The following TEK variants were observed in gnomAD, a reference collection of about 807,000 sequenced individuals.
The protein encoded by TEK is TEK receptor tyrosine kinase, also known as angiopoietin-1 receptor.
Under a neutral mutation model 131.8 loss-of-function variants are expected in TEK, and 43 were observed. The ratio of observed to expected loss-of-function variants is 0.33; its 90% CI spans 0.26 to 0.42. The LOEUF (loss-of-function observed/expected upper bound fraction) is 0.42. TEK is among the 10% of genes least tolerant of loss of function. The probability of loss-of-function intolerance (pLI) is 1.00; values close to 1 mark genes in which losing one functional copy is unlikely to be tolerated. For missense variants in TEK, 1,162 were observed against 1,384.4 expected, an observed-to-expected ratio of 0.84 and a Z score of 2.55; for synonymous variants, 580 against 491.6, an observed-to-expected ratio of 1.18 and a Z score of -2.38.
chr9:27,181,943 A>G (rs1448339684), intron 7 of TEK, among the ~76,000 whole-genome samples: 2 of 151,940 alleles, frequency 1.3e-5, no homozygotes, highest in African/African-American at 4.8e-5. Context: ...CAGAACAAAT[A>G]TTGGGAGTGG....
intron 21 of TEK, among the ~76,000 whole-genome samples, chr9:27,225,460 G>C (rs966126370): frequency 1.3e-5 from 2 of 152,114 alleles, no homozygotes; most frequent in Non-Finnish European, 2.9e-5. Flanking sequence ...TCTCATCTTT[G>C]ACAAACCTGA....
At chr9:27,224,576 T>C (rs1341050987) in intron 21 of TEK, among the ~76,000 whole-genome samples, 1 of 152,090 alleles carries the variant, frequency 6.6e-6, no homozygotes. Context: ...CTAAACACGC[T>C]CAGTAAACTA....
At chr9:27,111,698 G>A (rs577161576) in intron 1 of TEK, among the ~76,000 whole-genome samples, 2 of 150,400 alleles carry the variant, frequency 1.3e-5, no homozygotes, top group Non-Finnish European at 3.0e-5. Flanking sequence ...GCTAACTTCA[G>A]CTTTCAAACA....
At chr9:27,227,270 CAG>C (rs1826375743) in intron 21 of TEK, among the ~76,000 whole-genome samples, 1 of 152,238 alleles carries the variant, frequency 6.6e-6, no homozygotes, top group East Asian at 1.9e-4. Context: ...ATTTTAATAA[CAG>C]AGTAGTTCTG....
At chr9:27,137,514 C>G (rs1021194017) in intron 1 of TEK, among the ~76,000 whole-genome samples, 24 of 152,076 alleles carry the variant, frequency 1.6e-4, no homozygotes, top group African/African-American at 5.3e-4. Flanking sequence ...AACTCATTAG[C>G]AAAACCAGCT....
intron 18 of TEK, among the ~76,000 whole-genome samples, chr9:27,214,214 C>T (rs1020544564): frequency 2.0e-5 from 3 of 152,242 alleles, no homozygotes; most frequent in Non-Finnish European, 4.4e-5. Flanking sequence ...TTTTGGTGCC[C>T]AGTCTAGAAT....
chr9:27,208,446 T>C (rs1465437723), intron 15 of TEK, among the ~76,000 whole-genome samples: 1 of 152,158 alleles, frequency 6.6e-6, no homozygotes, highest in African/African-American at 2.4e-5. Context: ...GTGCCTGCTG[T>C]GTTCTCCCTC....
chr9:27,129,171 A>C (rs187016728), intron 1 of TEK, among the ~76,000 whole-genome samples: 12 of 152,240 alleles, frequency 7.9e-5, no homozygotes, highest in East Asian at 5.8e-4. Context: ...GTTTATTGAG[A>C]GTTTTTAGCA....
At chr9:27,189,825 A>G (rs552380888) in intron 9 of TEK, among the ~76,000 whole-genome samples, 1 of 151,330 alleles carries the variant, frequency 6.6e-6, no homozygotes, top group African/African-American at 2.4e-5. Flanking sequence ...TTCTAGAACT[A>G]TAATAAATTT....
intron 1 of TEK, among the ~76,000 whole-genome samples, chr9:27,145,742 G>GTC (rs1822892884): frequency 6.6e-6 from 1 of 152,196 alleles, no homozygotes; most frequent in Non-Finnish European, 1.5e-5. Context: ...TATTTAAAAT[G>GTC]AGTAGTCTGT....
rs539179039 is a variant in TEK at position 27,197,308 on chromosome 9, C to T, written c.1625-7C>T. ...ATAAAAATAATGATTTTTCTGGATTCTCCTAGGACTCCCTCCTCCAAGAGG... is the reference window on the plus strand; with the variant it reads ...ATAAAAATAATGATTTTTCTGGATTTTCCTAGGACTCCCTCCTCCAAGAGG... On this transcript the variant is annotated splice_polypyrimidine_tract_variant and splice_region_variant and intron_variant, in intron 11 of 22. Transcript: ENST00000380036. The T allele has an allele frequency of 5.3e-5, 85 of 1,613,614 alleles. No homozygotes were observed. The South Asian group carries it at 8.3e-4, about 16-fold the overall frequency.
intron 1 of TEK, among the ~76,000 whole-genome samples, chr9:27,119,559 A>T (rs1821701026): frequency 6.6e-6 from 1 of 152,114 alleles, no homozygotes; most frequent in African/African-American, 2.4e-5. Context: ...ACAAGGTGAG[A>T]GAGGCTTACA....
At chr9:27,175,666 T>TA (rs1370461211) in intron 6 of TEK, among the ~76,000 whole-genome samples, 4 of 152,098 alleles carry the variant, frequency 2.6e-5, no homozygotes, top group African/African-American at 9.7e-5. Flanking sequence ...CCTGACTTTT[T>TA]AATGATCGCC....
At chr9:27,172,130 G>A (rs1406863717) in intron 4 of TEK, among the ~76,000 whole-genome samples, 8 of 149,152 alleles carry the variant, frequency 5.4e-5, no homozygotes, top group African/African-American at 2.1e-4. Context: ...TCAGTAGGTC[G>A]TGGTTGGGTG....
At chr9:27,171,727 A>T (rs1300380503) in intron 4 of TEK, among the ~76,000 whole-genome samples, 2 of 152,226 alleles carry the variant, frequency 1.3e-5, no homozygotes, top group Non-Finnish European at 1.5e-5. Flanking sequence ...AATCTTAAAA[A>T]ATATAATTTA....
intron 1 of TEK, 103 bp downstream of exon 1, chr9:27,109,745 T>A (rs1432401205): frequency 1.7e-6 from 2 of 1,176,660 alleles, no homozygotes; most frequent in Non-Finnish European, 2.5e-6. Context: ...GAACAAGGGG[T>A]GGCTGTAGCA....
Position 27,178,623 on chromosome 9 carries a change from G to GC in TEK, c.902-1613dup, listed in dbSNP as rs549595203. On this transcript the variant is annotated intron_variant, in intron 6 of 22. Transcript: ENST00000380036. ...TACAAAATCAAAACAAATCATCATA[G>GC]CCCCAAAAGACAAGCTTTTGCATTA... Among the ~76,000 whole-genome samples the GC allele has an allele frequency of 5.9e-5, 9 of 152,128 alleles. No individual in the cohort carries two copies. The South Asian group carries it at 1.9e-3, about 32-fold the overall frequency.
At chr9:27,153,537 C>A (rs1158977603) in intron 1 of TEK, among the ~76,000 whole-genome samples, 1 of 152,218 alleles carries the variant, frequency 6.6e-6, no homozygotes, top group Non-Finnish European at 1.5e-5. Context: ...ATTAAATATG[C>A]ATCTTGTTTC....
At chr9:27,146,933 G>C (rs1435781748) in intron 1 of TEK, among the ~76,000 whole-genome samples, 1 of 152,052 alleles carries the variant, frequency 6.6e-6, no homozygotes, top group African/African-American at 2.4e-5. Context: ...GTTTCACCGT[G>C]TTAGCCAGGA....
Sources: gnomAD v4.1 joint callset for allele counts (sites outside exome capture counted in the v4.1 genomes callset) on GRCh38, gnomAD v4.1.1 for gene constraint, MANE v1.5 for transcripts, NCBI Gene and HGNC (gene_info 2026-07-23, HGNC 2026-07-21) for gene names.